Variants in RIMKLA observed in about 807,000 individuals in gnomAD.
RIMKLA encodes the protein N-acetylaspartylglutamate synthase A.
Under a neutral mutation model 32.7 loss-of-function variants are expected in RIMKLA, and 14 were observed. The observed-to-expected ratio is 0.43, with a 90% CI of 0.28 to 0.67. RIMKLA has a LOEUF of 0.67. Among genes scored for constraint, RIMKLA ranks in the 30% least tolerant of loss-of-function variants. The pLI is 0.18. For missense variants in RIMKLA, 410 were observed against 519.0 expected, an observed-to-expected ratio of 0.79 and a Z score of 2.04; for synonymous variants, 176 against 204.1, an observed-to-expected ratio of 0.86 and a Z score of 1.18.
At chr1:42,382,173 G>T (rs891210816) in intron 1 of RIMKLA, among the ~76,000 whole-genome samples, 1 of 152,110 alleles carries the variant, frequency 6.6e-6, no homozygotes, top group African/African-American at 2.4e-5. Flanking sequence ...CAAGTTTATC[G>T]AAGTCCCTCA....
chr1:42,384,814 C>G (rs1642923194), intron 1 of RIMKLA, among the ~76,000 whole-genome samples: 1 of 151,986 alleles, frequency 6.6e-6, no homozygotes, highest in Non-Finnish European at 1.5e-5. Context: ...TTATCCCTTG[C>G]ATCAGTCTAC....
intron 2 of RIMKLA, 32 bp downstream of exon 2, chr1:42,399,666 T>C (rs1293088571): frequency 7.7e-7 from 1 of 1,302,412 alleles, no homozygotes; most frequent in Admixed American, 2.0e-5. Flanking sequence ...TCCCAAATCA[T>C]GTGCATCTCT....
intron 1 of RIMKLA, among the ~76,000 whole-genome samples, chr1:42,393,431 T>C (rs773413355): frequency 6.6e-6 from 1 of 152,322 alleles, no homozygotes; most frequent in Non-Finnish European, 1.5e-5. Context: ...TGCTTAGTAG[T>C]GTGTCTGAGT....
At chr1:42,406,083 A>G (rs1258396336) in intron 3 of RIMKLA, among the ~76,000 whole-genome samples, 1 of 152,210 alleles carries the variant, frequency 6.6e-6, no homozygotes, top group Non-Finnish European at 1.5e-5. Context: ...GTGTCTACAA[A>G]ATGCCAGGCA....
intron 1 of RIMKLA, among the ~76,000 whole-genome samples, chr1:42,386,595 G>T (rs916218828): frequency 1.1e-4 from 16 of 151,450 alleles, no homozygotes; most frequent in African/African-American, 3.9e-4. Flanking sequence ...TAAAAAATTG[G>T]GGGGGTGCTG....
intron 4 of RIMKLA, chr1:42,412,281 G>T (rs898937486): frequency 1.1e-4 from 17 of 157,872 alleles, no homozygotes; most frequent in Admixed American, 3.9e-4. Context: ...AAAGTAAGGG[G>T]AATTGGTCTC....
rs1366703006 is a variant in RIMKLA, at chr1:42,422,018, C to T, written c.*7044C>T. 1 of 152,150 alleles carries T rather than the reference C, an allele frequency of 6.6e-6. No individual in the cohort carries two copies. The highest frequency in any genetic ancestry group is 2.4e-5 in the African/African-American group (1 of 41,422). The allele number at this position is 152,150 out of a possible 1,614,324, so 9.4% of individuals were successfully genotyped here. A position where few individuals can be genotyped will look rare whatever the true frequency, so the allele number is the denominator to read the frequency against. ...GGCCCTATTGAGAGTATTTACACCACAGAGATTGGCAAACACTCTATATCA... is the reference window on the plus strand; with the variant it reads ...GGCCCTATTGAGAGTATTTACACCATAGAGATTGGCAAACACTCTATATCA... On this transcript the variant is annotated 3_prime_UTR_variant, in exon 5 of 5. Transcript: ENST00000431473.
intron 1 of RIMKLA, among the ~76,000 whole-genome samples, chr1:42,384,571 ATG>A (rs1642920052): frequency 6.9e-6 from 1 of 145,874 alleles, no homozygotes; most frequent in Admixed American, 7.1e-5. Flanking sequence ...ATACATATAT[ATG>A]TGTATATATG....
At chr1:42,413,378 G>A (rs1643216919) in intron 4 of RIMKLA, among the ~76,000 whole-genome samples, 1 of 150,852 alleles carries the variant, frequency 6.6e-6, no homozygotes, top group African/African-American at 2.4e-5. Context: ...GCGGGCGCCT[G>A]TAGTCCCATC....
intron 2 of RIMKLA, among the ~76,000 whole-genome samples, chr1:42,402,238 C>G (rs537233807): frequency 6.6e-6 from 1 of 152,182 alleles, no homozygotes; most frequent in Non-Finnish European, 1.5e-5. Context: ...GTCCTAATCC[C>G]TAGCACCTGT....
At chr1:42,381,234 C>A in intron 1 of RIMKLA, 137 bp downstream of exon 1, 3 of 588,546 alleles carry the variant, frequency 5.1e-6, no homozygotes, top group Non-Finnish European at 7.5e-6. Context: ...AGCTGCGAGA[C>A]TTCTTGGGGT....
chr1:42,415,501 A>G lies in RIMKLA; in HGVS notation c.*527A>G, dbSNP rs1479200663. On this transcript the variant is annotated 3_prime_UTR_variant, in exon 5 of 5. Transcript: ENST00000431473. ...ACCATATTTCTCCGACACTCAGGAT[A>G]TGGTGTTTTAGGGAGCTTCCTCATT... is the stretch of plus-strand genomic sequence containing the variant. The G allele has an allele frequency of 6.5e-6, 1 of 153,184 alleles. No individual in the cohort carries two copies. Among genetic ancestry groups the G allele is most frequent in the Non-Finnish European group, 1.5e-5 (1 of 68,748 alleles). The allele number at this position is 153,184 out of a possible 1,614,324, so 9.5% of individuals were successfully genotyped here.
rs1184237388 is a variant in RIMKLA at position 42,385,844 on chromosome 1, C to CTCTCTCTCTCTCTCTCTCTCTTTCTT, written c.163+4750_163+4751insCTCTCTCTCTCTCTCTCTTTCTTTCT. Among the ~76,000 whole-genome samples the CTCTCTCTCTCTCTCTCTCTCTTTCTT allele has an allele frequency of 1.6e-3, 94 of 57,068 alleles. 3 individuals are homozygous for CTCTCTCTCTCTCTCTCTCTCTTTCTT. Among genetic ancestry groups the CTCTCTCTCTCTCTCTCTCTCTTTCTT allele is most frequent in the African/African-American group, 6.1e-3 (92 of 15,130 alleles). 37.4% of individuals were successfully genotyped at this position (57,068 alleles called of 152,430 possible). A position where few individuals can be genotyped will look rare whatever the true frequency, so the allele number is the denominator to read the frequency against. On this transcript the variant is annotated intron_variant, in intron 1 of 4. Coordinates refer to ENST00000431473, the MANE Select transcript of RIMKLA (RefSeq NM_173642.4). The stretch of plus-strand genomic sequence containing the variant: ...CCTTCCTTCCTTTCTTTCTTTCTTT[C>CTCTCTCTCTCTCTCTCTCTCTTTCTT]TCTTTCTTTCTTTCTTTCTTTCTTT...
At chr1:42,411,326 C>T (rs542907904) in intron 4 of RIMKLA, among the ~76,000 whole-genome samples, 5 of 146,576 alleles carry the variant, frequency 3.4e-5, no homozygotes, top group African/African-American at 1.3e-4. Flanking sequence ...CAGAGTGAGA[C>T]CCTATCTCTT....
rs1012321279 is a variant in RIMKLA at position 42,410,139 on chromosome 1, A to G, written c.637A>G (p.Met213Val). 20 of 1,614,016 alleles carry G rather than the reference A, an allele frequency of 1.2e-5. No homozygotes were observed. Among genetic ancestry groups the G allele is most frequent in the East Asian group, 2.2e-5 (1 of 44,900 alleles). Residue 213 changes from methionine (M) to valine (V), a missense_variant, in exon 4 of 5, where the codon ATG (methionine) becomes GTG (valine). By Grantham distance (21) the Met-to-Val change is conservative. Transcript: ENST00000431473. ...GGTAGGGGGCCAGGTCATAGGCTCT[A>G]TGCTTCGCTGCTCCACTGATGGACG... Reference protein sequence around the residue: ...VVVGGQVIGSMLRCSTDGRMQ... With the variant: ...VVVGGQVIGSVLRCSTDGRMQ...
intron 2 of RIMKLA, among the ~76,000 whole-genome samples, chr1:42,401,759 A>G (rs1372410428): frequency 1.3e-5 from 2 of 152,208 alleles, no homozygotes; most frequent in African/African-American, 4.8e-5. Flanking sequence ...AATGGTAGGG[A>G]TACAAAGTTA....
In RIMKLA at chr1:42,399,593, T is replaced by G; in HGVS notation, c.353T>G (p.Leu118Arg). 4 of 1,612,076 alleles carry G rather than the reference T, an allele frequency of 2.5e-6. No individual in the cohort carries two copies. The highest frequency in any genetic ancestry group is 3.4e-6 in the Non-Finnish European group (4 of 1,179,194). ...AACAAATTCTGGACGTTCCAAGAAC[T>G]GGCTGGACATGGGGTCCCCATGCCA... ...CINKFWTFQE[L>R]AGHGVPMPDT... The change falls in exon 2 of 5, where the codon CTG becomes CGG. Residue 118 changes from leucine (L) to arginine (R), a missense_variant. By Grantham distance (102) the Leu-to-Arg change is moderately radical (BLOSUM62 -2). Transcript: ENST00000431473.
At position 42,402,043 on chromosome 1, in the gene RIMKLA, G is replaced by T. The variant is rs570570578; in HGVS notation, c.394+2409G>T. Among the ~76,000 whole-genome samples, 9 of 152,250 alleles carry T rather than the reference G, an allele frequency of 5.9e-5. No homozygotes were observed. The East Asian group carries it at 1.3e-3, about 23-fold the overall frequency. On this transcript the variant is annotated intron_variant, in intron 2 of 4. Coordinates refer to ENST00000431473, the MANE Select transcript of RIMKLA (RefSeq NM_173642.4). The stretch of plus-strand genomic sequence containing the variant: ...TTATCAGCGGGATGGCGGGAAGCTG[G>T]GAGTTCCCTTCTTACAAAACATCCT...
intron 2 of RIMKLA, among the ~76,000 whole-genome samples, chr1:42,402,773 TAG>T (rs1451983695): frequency 6.6e-6 from 1 of 152,056 alleles, no homozygotes; most frequent in Non-Finnish European, 1.5e-5. Flanking sequence ...GTATTTTTTG[TAG>T]AGATGGGGTT....
Sources: gnomAD v4.1 joint callset for allele counts (sites outside exome capture counted in the v4.1 genomes callset) on GRCh38, gnomAD v4.1.1 for gene constraint, MANE v1.5 for transcripts, NCBI Gene and HGNC (gene_info 2026-07-23, HGNC 2026-07-21) for gene names.